The following LGSN variants were observed in gnomAD, a reference collection of about 807,000 sequenced individuals.
The protein encoded by LGSN is lengsin, lens protein with glutamine synthetase domain, also known as lengsin.
In LGSN, 21 loss-of-function variants were observed where a neutral mutation model predicts 19.5. The observed-to-expected ratio is 1.07, with a 90% confidence interval of 0.76 to 1.55. The LOEUF (loss-of-function observed/expected upper bound fraction) is 1.55, where lower values mean the gene tolerates loss of function less well. LGSN is among the 40% of genes most tolerant of loss of function. The pLI is 0.00. For missense variants in LGSN, 673 were observed against 608.5 expected, an observed-to-expected ratio of 1.11 and a Z score of -1.12; for synonymous variants, 257 against 215.6, an observed-to-expected ratio of 1.19 and a Z score of -1.68.
chr6:63,468,456 C>T, the LGSN span, among the ~76,000 whole-genome samples: 1 of 151,428 alleles, frequency 6.6e-6, no homozygotes, highest in Non-Finnish European at 1.5e-5. Flanking sequence ...GAGACAGAAT[C>T]TTGCTCTGTT....
the LGSN span, among the ~76,000 whole-genome samples, chr6:63,475,314 CAAAAAAAA>C: frequency 2.0e-5 from 2 of 99,304 alleles, no homozygotes; most frequent in African/African-American, 4.2e-5. Context: ...ATAGATCTGC[CAAAAAAAA>C]AAAAAAAAAA....
chr6:63,314,206 G>A (rs57192996), intron 1 of LGSN, among the ~76,000 whole-genome samples: 5,483 of 152,146 alleles, frequency 0.036, 336 homozygotes, highest in African/African-American at 0.13. Flanking sequence ...TAGGTCATGA[G>A]GCTACAGCCT....
the LGSN span, among the ~76,000 whole-genome samples, chr6:63,432,363 T>C: frequency 2.0e-5 from 3 of 152,216 alleles, no homozygotes; most frequent in African/African-American, 7.2e-5. Context: ...CTGACATTTA[T>C]ATAGATAGGG....
chr6:63,389,638 G>T, the LGSN span, among the ~76,000 whole-genome samples: 1 of 152,132 alleles, frequency 6.6e-6, no homozygotes, highest in Non-Finnish European at 1.5e-5. Flanking sequence ...AAAACTCTTG[G>T]TTGCCACTCT....
chr6:63,288,173 G>C (rs1472935710), intron 2 of LGSN, among the ~76,000 whole-genome samples: 2 of 151,600 alleles, frequency 1.3e-5, no homozygotes, highest in Non-Finnish European at 2.9e-5. Flanking sequence ...CCACCAAGGA[G>C]CTGAGATGGT....
the LGSN span, among the ~76,000 whole-genome samples, chr6:63,421,841 C>T: frequency 6.6e-6 from 1 of 152,126 alleles, no homozygotes; most frequent in East Asian, 1.9e-4. Context: ...AAAGTTCTAA[C>T]ATTCTTGTCC....
chr6:63,456,413 A>G, the LGSN span, among the ~76,000 whole-genome samples: 1 of 107,574 alleles, frequency 9.3e-6, no homozygotes, highest in Admixed American at 1.1e-4. Context: ...TTTTTTTGGT[A>G]GAGACGAGGG....
intron 1 of LGSN, among the ~76,000 whole-genome samples, chr6:63,318,926 C>T (rs985317394): frequency 7.9e-5 from 12 of 152,182 alleles, no homozygotes; most frequent in African/African-American, 2.4e-4. Flanking sequence ...TATGAATTTA[C>T]TTTTAGCTAA....
the LGSN span, among the ~76,000 whole-genome samples, chr6:63,406,384 C>T: frequency 2.0e-5 from 3 of 151,958 alleles, no homozygotes; most frequent in Admixed American, 1.3e-4. Flanking sequence ...CACTCAAAAC[C>T]GCTCAACTAC....
chr6:63,432,156 A>AGGAAGG, the LGSN span, among the ~76,000 whole-genome samples: 1 of 115,356 alleles, frequency 8.7e-6, no homozygotes, highest in Non-Finnish European at 1.7e-5. Flanking sequence ...AAAGAAAGAA[A>AGGAAGG]GAAAGAAAGA....
At chr6:63,438,706 C>G in the LGSN span, among the ~76,000 whole-genome samples, 1 of 152,154 alleles carries the variant, frequency 6.6e-6, no homozygotes, top group Non-Finnish European at 1.5e-5. Flanking sequence ...CAGGAAACAA[C>G]AGGTGCTGGA....
At chr6:63,564,012 C>T in the LGSN span, among the ~76,000 whole-genome samples, 9 of 152,156 alleles carry the variant, frequency 5.9e-5, no homozygotes, top group Non-Finnish European at 1.2e-4. Context: ...TGGTGGCTCA[C>T]GCCTGTAATC....
At chr6:63,541,414 A>T in the LGSN span, among the ~76,000 whole-genome samples, 2 of 152,012 alleles carry the variant, frequency 1.3e-5, no homozygotes, top group African/African-American at 4.8e-5. Flanking sequence ...ATAGCCAGGC[A>T]TAGTGGCAGG....
At chr6:63,441,186 C>A in the LGSN span, 3 of 237,344 alleles carry the variant, frequency 1.3e-5, no homozygotes, top group Admixed American at 1.6e-4. Flanking sequence ...CCAGCCTGGG[C>A]AACAAGAGTG....
the LGSN span, among the ~76,000 whole-genome samples, chr6:63,363,451 A>G: frequency 2.6e-5 from 4 of 152,166 alleles, no homozygotes; most frequent in Non-Finnish European, 1.5e-5. Context: ...AAAAACCTTG[A>G]AAAAAGATTA....
chr6:63,538,288 C>G, the LGSN span, among the ~76,000 whole-genome samples: 1 of 152,098 alleles, frequency 6.6e-6, no homozygotes, highest in Non-Finnish European at 1.5e-5. Context: ...CTTAGTTTCT[C>G]TAGCAACAAG....
the LGSN span, among the ~76,000 whole-genome samples, chr6:63,378,110 C>G: frequency 6.6e-6 from 1 of 150,698 alleles, no homozygotes; most frequent in Non-Finnish European, 1.5e-5. Flanking sequence ...AAAGTATTTG[C>G]AAAGGATGAC....
At chr6:63,340,838 TTG>T in the LGSN span, among the ~76,000 whole-genome samples, 612 of 146,162 alleles carry the variant, frequency 4.2e-3, no homozygotes, top group Middle Eastern at 0.014. Flanking sequence ...TTTTTATGGT[TTG>T]TGTGTGTGTG....
At chr6:63,320,597 C>A (rs1769048125), upstream of LGSN, among the ~76,000 whole-genome samples, 1 of 152,094 alleles carries the variant, frequency 6.6e-6, no homozygotes, top group Non-Finnish European at 1.5e-5. Flanking sequence ...ACAGGCTGCC[C>A]CATATGGTCC....
Sources: allele counts gnomAD v4.1 joint callset (sites outside exome capture counted in the v4.1 genomes callset), GRCh38; gene constraint gnomAD v4.1.1; transcripts MANE v1.5; gene names NCBI Gene and HGNC (gene_info 2026-07-23, HGNC 2026-07-21).